Variants in CYRIB observed in about 807,000 individuals in gnomAD.
CYRIB encodes the protein CYFIP-related Rac1 interactor B.
A neutral mutation model predicts 44.2 loss-of-function variants in CYRIB; 8 were observed. That is an observed-to-expected ratio of 0.18 (90% CI 0.11 to 0.33). The LOEUF is 0.33. CYRIB is among the 10% of genes least tolerant of loss of function. The pLI is 1.00. For missense variants in CYRIB, 185 were observed against 382.8 expected (o/e 0.48, Z 4.31); for synonymous variants, 131 against 127.2 (o/e 1.03, Z -0.20).
At chr8:129,930,105 G>A (rs890478171) in intron 1 of CYRIB, among the ~76,000 whole-genome samples, 22 of 151,666 alleles carry the variant, frequency 1.5e-4, no homozygotes, top group Admixed American at 1.3e-4. Flanking sequence ...CAGCTACTCA[G>A]GAAGCTGAGG....
intron 1 of CYRIB, among the ~76,000 whole-genome samples, chr8:129,910,477 CTT>C (rs1171288097): frequency 1.6e-3 from 176 of 110,640 alleles, no homozygotes; most frequent in South Asian, 9.7e-3. Context: ...CCTTCTTTCA[CTT>C]TTTTTTTTTT....
chr8:130,004,212 C>G (rs1217593424), intron 1 of CYRIB, among the ~76,000 whole-genome samples: 1 of 152,174 alleles, frequency 6.6e-6, no homozygotes, highest in Non-Finnish European at 1.5e-5. Context: ...TTAGCACATT[C>G]CGAAGATGCC....
intron 1 of CYRIB, among the ~76,000 whole-genome samples, chr8:129,933,835 T>C (rs1041116048): frequency 6.6e-5 from 10 of 151,754 alleles, no homozygotes; most frequent in East Asian, 1.9e-4. Context: ...GATTGCGTCA[T>C]TGCACTCCGG....
chr8:129,950,292 G>A (rs938100661), intron 2 of CYRIB, among the ~76,000 whole-genome samples: 3 of 152,144 alleles, frequency 2.0e-5, no homozygotes, highest in African/African-American at 2.4e-5. Context: ...GACAGTGTCC[G>A]GGCACTGTGG....
chr8:129,855,072 G>A (rs2045478428), intron 6 of CYRIB, among the ~76,000 whole-genome samples: 1 of 152,104 alleles, frequency 6.6e-6, no homozygotes, highest in Non-Finnish European at 1.5e-5. Context: ...TAGAGGGTGT[G>A]AGCAGAAAAG....
chr8:129,981,348 G>A (rs1424510737), intron 1 of CYRIB, among the ~76,000 whole-genome samples: 1 of 152,122 alleles, frequency 6.6e-6, no homozygotes, highest in African/African-American at 2.4e-5. Context: ...ATGGGGTTTC[G>A]CCATGTCGGC....
intron 1 of CYRIB, among the ~76,000 whole-genome samples, chr8:129,927,183 T>C (rs1310332642): frequency 6.6e-6 from 1 of 152,042 alleles, no homozygotes. Context: ...TCCCAGCTAC[T>C]TGGGAGGCTG....
chr8:129,950,430 C>G lies in CYRIB; in HGVS notation c.-243+20513G>C, dbSNP rs551742334. Among the ~76,000 whole-genome samples, 5 of 152,220 alleles carry G rather than the reference C, an allele frequency of 3.3e-5. No homozygotes were observed. The East Asian group carries it at 9.7e-4, about 29-fold the overall frequency. The stretch of plus-strand genomic sequence containing the variant: ...ACTAAAAATACAAAAATTAGCCAGA[C>G]GTGGTGACGTGCACCTGTAATCTCA... On this transcript the variant is annotated intron_variant, in intron 2 of 14. Transcript: ENST00000401979.
At chr8:130,007,282 C>G (rs2134230926) in intron 1 of CYRIB, among the ~76,000 whole-genome samples, 1 of 152,278 alleles carries the variant, frequency 6.6e-6, no homozygotes, top group Admixed American at 6.5e-5. Context: ...CTACACAACT[C>G]CATTCATAGA....
intron 1 of CYRIB, among the ~76,000 whole-genome samples, chr8:129,978,924 C>G (rs548970229): frequency 6.6e-6 from 1 of 152,078 alleles, no homozygotes; most frequent in East Asian, 1.9e-4. Context: ...TCACTTGAGG[C>G]CAGGAATTCG....
rs767236299 is a variant in CYRIB, at chr8:129,909,789, C to A, written c.-49-6439G>T. Among the ~76,000 whole-genome samples the A allele has an allele frequency of 3.3e-5, 5 of 152,256 alleles. No individual in the cohort carries two copies. The South Asian group carries it at 1.0e-3, about 32-fold the overall frequency. Reference sequence around the variant, plus strand: ...TCTGCCTGGGTTGGGGTTTAAGAACCCCAGCAAGCAAACACCCTGGCTGTG... The same window carrying A: ...TCTGCCTGGGTTGGGGTTTAAGAACACCAGCAAGCAAACACCCTGGCTGTG... On this transcript the variant is annotated intron_variant, in intron 1 of 11. Transcript: ENST00000519824.
upstream of CYRIB, chr8:129,940,036 C>A: frequency 6.6e-6 from 1 of 152,386 alleles, no homozygotes; most frequent in African/African-American, 2.4e-5. Flanking sequence ...CGTGGCCACC[C>A]CCTTGCACCC....
At chr8:129,943,699 C>A (rs866289083), upstream of CYRIB, among the ~76,000 whole-genome samples, 2 of 144,060 alleles carry the variant, frequency 1.4e-5, no homozygotes, top group African/African-American at 5.1e-5. Context: ...CCCGGGTTCA[C>A]GCCATTCTCC....
chr8:129,991,844 G>C (rs2096639510), intron 1 of CYRIB, among the ~76,000 whole-genome samples: 1 of 150,508 alleles, frequency 6.6e-6, no homozygotes, highest in Non-Finnish European at 1.5e-5. Flanking sequence ...CCAGCTATTT[G>C]GGAGGCTAAG....
intron 1 of CYRIB, among the ~76,000 whole-genome samples, chr8:129,994,656 C>T (rs1410431459): frequency 2.6e-5 from 4 of 152,224 alleles, no homozygotes; most frequent in Non-Finnish European, 5.9e-5. Context: ...GGGTGCCTTG[C>T]TACAGCCTGG....
At position 129,961,967 on chromosome 8, in the gene CYRIB, C is replaced by T. The variant is rs1056858654; in HGVS notation, c.-243+8976G>A. On this transcript the variant is annotated intron_variant, in intron 2 of 14. Transcript: ENST00000401979. Reference sequence around the variant, plus strand: ...AGATTAAATAAAAATTTTTTAATTGCGGCCAGATGCAGTGGCTTGTGCCTG... The same window carrying T: ...AGATTAAATAAAAATTTTTTAATTGTGGCCAGATGCAGTGGCTTGTGCCTG... 7.2e-5 allele frequency among the ~76,000 whole-genome samples: 11 copies of T among 152,210 alleles called. No homozygotes were observed. The East Asian group carries it at 9.6e-4, about 13-fold the overall frequency.
upstream of CYRIB, among the ~76,000 whole-genome samples, chr8:129,943,404 G>A (rs891272169): frequency 2.0e-5 from 3 of 150,942 alleles, no homozygotes; most frequent in African/African-American, 4.9e-5. Context: ...TAACTAACAT[G>A]GTGAAACCCC....
intron 1 of CYRIB, among the ~76,000 whole-genome samples, chr8:129,922,074 C>T (rs2083946884): frequency 6.6e-6 from 1 of 152,158 alleles, no homozygotes; most frequent in Non-Finnish European, 1.5e-5. Context: ...GACCAGTGGC[C>T]ACACTGCACT....
intron 1 of CYRIB, among the ~76,000 whole-genome samples, chr8:130,004,127 A>G (rs1047597987): frequency 6.6e-6 from 1 of 152,244 alleles, no homozygotes; most frequent in African/African-American, 2.4e-5. Flanking sequence ...CTCCAAGGTT[A>G]TCACACTCAA....
Sources: gnomAD v4.1 joint callset for allele counts (sites outside exome capture counted in the v4.1 genomes callset) on GRCh38, gnomAD v4.1.1 for gene constraint, MANE v1.5 for transcripts, NCBI Gene and HGNC (gene_info 2026-07-23, HGNC 2026-07-21) for gene names.